C9orf78: variants seen among roughly 807,000 people sequenced by gnomAD.
The protein encoded by C9orf78 is chromosome 9 open reading frame 78, also known as splicing factor C9orf78.
In C9orf78, 19 loss-of-function variants were observed where a neutral mutation model predicts 37.4. The observed-to-expected ratio is 0.51, with a 90% CI of 0.35 to 0.74. The LOEUF is 0.74. C9orf78 is among the 30% of genes least tolerant of loss of function. C9orf78 has a pLI of 0.01. For synonymous variants in C9orf78, 130 were observed against 128.0 expected (o/e 1.02, Z -0.10); for missense variants, 291 against 370.8 (o/e 0.78, Z 1.77).
Position 129,831,911 on chromosome 9 carries a change from T to G in C9orf78, c.329A>C (p.Asp110Ala). The change falls in exon 5 of 9, where the codon GAT becomes GCT. Residue 110 changes from aspartate (D) to alanine (A), a missense_variant. By Grantham distance (126) the Asp-to-Ala change is moderately radical. Transcript: ENST00000372447. ...TSFSAETNRR[D>A]EDADMMKYIE... ...TGACACTTACATGTCTGCATCCTCA[T>G]CCCTTCGGTTGGTTTCTGCAGAAAA... 1 of 1,574,300 alleles carries G rather than the reference T, an allele frequency of 6.4e-7. No individual in the cohort carries two copies. Among genetic ancestry groups the G allele is most frequent in the Non-Finnish European group, 8.7e-7 (1 of 1,143,912 alleles).
chr9:129,828,383 A>C (rs946139640), intron 8 of C9orf78, 131 bp from the exon 9 acceptor site: 2 of 641,550 alleles, frequency 3.1e-6, no homozygotes, highest in African/African-American at 3.7e-5. Context: ...CAGTGAACAC[A>C]GTAGGGCCTC....
chr9:129,829,224 C>T lies in C9orf78; in HGVS notation c.759G>A (p.Thr253=), dbSNP rs1478960238. Residue 253 remains threonine, a synonymous_variant, in exon 8 of 9, where the codon ACG becomes ACA. Coordinates refer to ENST00000372447, the MANE Select transcript of C9orf78 (RefSeq NM_016520.3). ...ACTCACGCTCAGGCTCTGGCTTCTC[C>T]GTGTCACCTACTCTCAAGGGCCGGG... ...PKARPLRVGD[T]EKPEPERSPP... The T allele has an allele frequency of 3.7e-6, 6 of 1,613,514 alleles. No homozygotes were observed. Among genetic ancestry groups the T allele is most frequent in the South Asian group, 1.1e-5 (1 of 91,056 alleles).
chr9:129,833,033 G>GTGTGTATATACATA, intron 4 of C9orf78, among the ~76,000 whole-genome samples: 1 of 132,274 alleles, frequency 7.6e-6, no homozygotes, highest in Admixed American at 7.7e-5. Context: ...GTATATACAT[G>GTGTGTATATACATA]TGTGTATATA....
intron 5 of C9orf78, 183 bp downstream of exon 5, chr9:129,831,713 C>T (rs558922490): frequency 1.8e-5 from 10 of 566,992 alleles, no homozygotes; most frequent in East Asian, 6.1e-5. Context: ...TGAGAGCTAC[C>T]GTGCCCGGCC....
At position 129,828,868 on chromosome 9, in the gene C9orf78, C is replaced by G. The variant is rs1448853556; in HGVS notation, c.778+337G>C. ...GTCCCAGCTTCCCCAGCAGCTGAGA[C>G]TACAAGTGTGAGGCACTGCACCCAG... On this transcript the variant is annotated intron_variant, in intron 8 of 8. Coordinates refer to ENST00000372447, the MANE Select transcript of C9orf78 (RefSeq NM_016520.3). 3 of 395,150 alleles carry G rather than the reference C, an allele frequency of 7.6e-6. No homozygotes were observed. In the East Asian group the frequency reaches 1.8e-4, roughly 24 times the overall value. The allele number at this position is 395,150 out of a possible 1,614,324, so 24.5% of individuals were successfully genotyped here. A position where few individuals can be genotyped will look rare whatever the true frequency, so the allele number is the denominator to read the frequency against.
At position 129,827,463 on chromosome 9, in the gene C9orf78, G is replaced by A. The variant is rs1400184269; in HGVS notation, c.*698C>T. 1.3e-5 allele frequency: 2 copies of A among 151,878 alleles called. No individual in the cohort carries two copies. Among genetic ancestry groups the A allele is most frequent in the Non-Finnish European group, 2.9e-5 (2 of 68,014 alleles). 9.4% of individuals were successfully genotyped at this position (151,878 alleles called of 1,614,324 possible). Reference sequence around the variant, plus strand: ...AGGATGCATTTCTGACCCCATCCCAGACACGTGAAAGCAGAAGACATGATG... The same window carrying A: ...AGGATGCATTTCTGACCCCATCCCAAACACGTGAAAGCAGAAGACATGATG... On this transcript the variant is annotated 3_prime_UTR_variant, in exon 9 of 9. Transcript: ENST00000372447.
intron 2 of C9orf78, chr9:129,833,995 T>C (rs2031599351): frequency 2.4e-6 from 1 of 417,982 alleles, no homozygotes; most frequent in East Asian, 4.2e-5. Context: ...TCTAAGATAT[T>C]CTCATCATGG....
chr9:129,828,067 A>G lies in C9orf78; in HGVS notation c.*94T>C, dbSNP rs372414264. 4.6e-3 allele frequency: 3,162 copies of G among 691,958 alleles called. 22 individuals carry two copies. Among genetic ancestry groups the G allele is most frequent in the South Asian group, 0.017 (1,221 of 71,470 alleles). 42.9% of individuals were successfully genotyped at this position (691,958 alleles called of 1,614,324 possible). A position where few individuals can be genotyped will look rare whatever the true frequency, so the allele number is the denominator to read the frequency against. ...CTCGGCCTCCCAAAGTGCTGGGATTACAGGCAGGAGCCACCACGCCCGGCC... is the reference window on the plus strand; with the variant it reads ...CTCGGCCTCCCAAAGTGCTGGGATTGCAGGCAGGAGCCACCACGCCCGGCC... On this transcript the variant is annotated 3_prime_UTR_variant, in exon 9 of 9. Transcript: ENST00000372447.
chr9:129,832,089 G>C, intron 4 of C9orf78, 116 bp from the exon 5 acceptor site: 1 of 549,830 alleles, frequency 1.8e-6, no homozygotes, highest in East Asian at 3.0e-5. Flanking sequence ...TTTACAGTTG[G>C]CAAAAAAAAA....
chr9:129,833,828 G>A (rs2031591063), intron 2 of C9orf78, 119 bp from the exon 3 acceptor site: 1 of 692,184 alleles, frequency 1.4e-6, no homozygotes, highest in African/African-American at 1.8e-5. Context: ...GGATTTGAGG[G>A]GTGGGTAGGC....
chr9:129,832,090 CAAAA>C, intron 4 of C9orf78, 117 bp from the exon 5 acceptor site: 5 of 454,040 alleles, frequency 1.1e-5, no homozygotes, highest in African/African-American at 2.2e-5. Context: ...TTACAGTTGG[CAAAA>C]AAAAAAAAAT....
chr9:129,828,118 T>C lies in C9orf78; in HGVS notation c.*43A>G, dbSNP rs952473943. 1.3e-5 allele frequency: 15 copies of C among 1,147,372 alleles called. No homozygotes were observed. The highest frequency in any genetic ancestry group is 7.6e-5 in the African/African-American group (5 of 65,460). 71.1% of individuals were successfully genotyped at this position (1,147,372 alleles called of 1,614,324 possible). On this transcript the variant is annotated 3_prime_UTR_variant, in exon 9 of 9. Transcript: ENST00000372447. ...AGGAAGCCATTTTTCATGGGAGGGA[T>C]ATAGGGAGAGGAAGGCGATATTTAC...
chr9:129,828,381 A>C, intron 8 of C9orf78, 129 bp from the exon 9 acceptor site: 1 of 656,496 alleles, frequency 1.5e-6, no homozygotes. Context: ...CCCAGTGAAC[A>C]CAGTAGGGCC....
At position 129,828,238 on chromosome 9, in the gene C9orf78, G is replaced by A. The variant is rs1169489741; in HGVS notation, c.793C>T (p.Arg265Cys). Residue 265 changes from arginine (R) to cysteine (C), a missense_variant, in exon 9 of 9, where the codon CGC (arginine) becomes TGC (cysteine). Coordinates refer to ENST00000372447, the MANE Select transcript of C9orf78 (RefSeq NM_016520.3). Reference protein sequence around the residue: ...KPEPERSPPNRKRPANEKATD... With the variant: ...KPEPERSPPNCKRPANEKATD... ...GCCTTCTCGTTAGCAGGACGCTTGC[G>A]GTTAGGAGGGGACCCTGAGAAGGAA... is the stretch of plus-strand genomic sequence containing the variant. 9 of 1,599,052 alleles carry A rather than the reference G, an allele frequency of 5.6e-6. No individual in the cohort carries two copies. Among genetic ancestry groups the A allele is most frequent in the East Asian group, 2.2e-5 (1 of 44,604 alleles).
rs919554241 is a variant in C9orf78 at position 129,827,367 on chromosome 9, C to T, written c.*794G>A. 2 of 151,140 alleles carry T rather than the reference C, an allele frequency of 1.3e-5. No homozygotes were observed. The highest frequency in any genetic ancestry group is 2.9e-5 in the Non-Finnish European group (2 of 67,814). The allele number at this position is 151,140 out of a possible 1,614,324, so 9.4% of individuals were successfully genotyped here. A position where few individuals can be genotyped will look rare whatever the true frequency, so the allele number is the denominator to read the frequency against. Reference sequence around the variant, plus strand: ...ATGCTTTTTTTTTAATGAAAACAAACAAGTAATTTTGTAAAAGTCAGAAAA... The same window carrying T: ...ATGCTTTTTTTTTAATGAAAACAAATAAGTAATTTTGTAAAAGTCAGAAAA... On this transcript the variant is annotated 3_prime_UTR_variant, in exon 9 of 9. Transcript: ENST00000372447.
At chr9:129,834,263 G>A (rs920222567) in intron 2 of C9orf78, 59 of 182,004 alleles carry the variant, frequency 3.2e-4, no homozygotes, top group Non-Finnish European at 1.3e-4. Flanking sequence ...ATCTGAGAGA[G>A]AGAGACGAAA....
chr9:129,834,664 T>C lies in C9orf78; in HGVS notation c.143+43A>G. 3 of 1,438,882 alleles carry C rather than the reference T, an allele frequency of 2.1e-6. No individual in the cohort carries two copies. In the South Asian group the frequency reaches 3.5e-5, roughly 17 times the overall value. 89.1% of individuals were successfully genotyped at this position (1,438,882 alleles called of 1,614,324 possible). On this transcript the variant is annotated intron_variant, in intron 2 of 8. Transcript: ENST00000372447. The stretch of plus-strand genomic sequence containing the variant: ...ACAGCGACCCGGACGCGGATGTGTC[T>C]GTCGTCCCCGCCGCCTCCTCCTCCT...
chr9:129,835,274 C>T lies in C9orf78; in HGVS notation c.-53G>A, dbSNP rs1055053172. ...CCGCGCCTCTGCGCAGCGGCCCAGG[C>T]TGCTTCCGGCGCGCGGCAGAGCGGT... On this transcript the variant is annotated 5_prime_UTR_variant, in exon 1 of 9. Transcript: ENST00000372447. 4.5e-6 allele frequency: 6 copies of T among 1,345,026 alleles called. No individual in the cohort carries two copies. The highest frequency in any genetic ancestry group is 3.7e-4 in the Middle Eastern group (2 of 5,454). The allele number at this position is 1,345,026 out of a possible 1,614,324, so 83.3% of individuals were successfully genotyped here. A position where few individuals can be genotyped will look rare whatever the true frequency, so the allele number is the denominator to read the frequency against.
intron 4 of C9orf78, among the ~76,000 whole-genome samples, chr9:129,833,021 G>A (rs202243666): frequency 7.2e-6 from 1 of 138,382 alleles, no homozygotes; most frequent in Non-Finnish European, 1.6e-5. Flanking sequence ...GTGTGTATAT[G>A]TGTATATACA....
Sources: allele counts gnomAD v4.1 joint callset (sites outside exome capture counted in the v4.1 genomes callset), GRCh38; gene constraint gnomAD v4.1.1; transcripts MANE v1.5; gene names NCBI Gene and HGNC (gene_info 2026-07-23, HGNC 2026-07-21).